Variants in MEIS2 observed in about 807,000 individuals in gnomAD.
MEIS2 encodes the protein Meis homeobox 2.
In MEIS2, 9 loss-of-function variants were observed where a neutral mutation model predicts 58.6. The ratio of observed to expected loss-of-function variants is 0.15; its 90% confidence interval spans 0.09 to 0.27. The LOEUF is 0.27. MEIS2 is among the 10% of genes least tolerant of loss of function. The probability of loss-of-function intolerance (pLI) is 1.00; values close to 1 mark genes in which losing one functional copy is unlikely to be tolerated. For synonymous variants in MEIS2, 221 were observed against 228.4 expected (o/e 0.97, Z 0.29); for missense variants, 427 against 635.0 (o/e 0.67, Z 3.52).
chr15:36,907,120 G>C (rs2056780027), intron 9 of MEIS2, among the ~76,000 whole-genome samples: 2 of 152,172 alleles, frequency 1.3e-5, no homozygotes, highest in African/African-American at 4.8e-5. Context: ...CTATATAAAA[G>C]ACTATGTATT....
At chr15:37,030,486 G>A (rs1484317169) in intron 8 of MEIS2, among the ~76,000 whole-genome samples, 3 of 151,768 alleles carry the variant, frequency 2.0e-5, no homozygotes, top group African/African-American at 4.8e-5. Flanking sequence ...ATAGATGTGT[G>A]CCCACACACC....
intron 6 of MEIS2, among the ~76,000 whole-genome samples, chr15:37,088,731 G>T (rs1893183049): frequency 6.6e-6 from 1 of 152,114 alleles, no homozygotes; most frequent in South Asian, 2.1e-4. Flanking sequence ...CACAGAAGTG[G>T]CAAGCACCCT....
intron 2 of MEIS2, 182 bp from the exon 3 acceptor site, chr15:37,096,612 G>T: frequency 1.6e-6 from 1 of 629,460 alleles, no homozygotes; most frequent in Non-Finnish European, 2.5e-6. Context: ...AAGGGAAAAG[G>T]GCCTGGCCCT....
chr15:37,009,288 C>CA (rs1042700328), intron 8 of MEIS2, among the ~76,000 whole-genome samples: 12 of 147,186 alleles, frequency 8.2e-5, no homozygotes, highest in East Asian at 3.9e-4. Context: ...GACTCCGTCT[C>CA]AAAAAAAAAT....
At chr15:36,966,010 C>T (rs977609593) in intron 8 of MEIS2, among the ~76,000 whole-genome samples, 1 of 152,198 alleles carries the variant, frequency 6.6e-6, no homozygotes, top group Admixed American at 6.5e-5. Flanking sequence ...TCTGGAGAAA[C>T]TCTATTATAT....
intron 7 of MEIS2, among the ~76,000 whole-genome samples, chr15:37,077,824 T>G (rs1177871074): frequency 6.6e-6 from 1 of 152,082 alleles, no homozygotes; most frequent in African/African-American, 2.4e-5. Flanking sequence ...CTGATCATTT[T>G]GTTTAATCAC....
chr15:37,087,852 TG>T (rs1893074480), intron 6 of MEIS2, among the ~76,000 whole-genome samples: 1 of 152,164 alleles, frequency 6.6e-6, no homozygotes, highest in South Asian at 2.1e-4. Context: ...ACATGGCACA[TG>T]GTTCTTCCAT....
intron 11 of MEIS2, 92 bp from the exon 12 acceptor site, chr15:36,892,551 AC>A (rs1445262271): frequency 5.9e-5 from 66 of 1,110,788 alleles, no homozygotes; most frequent in African/African-American, 1.1e-4. Flanking sequence ...AAAAAAAAAA[AC>A]AACAGACACT....
chr15:37,083,968 G>A, intron 6 of MEIS2, 83 bp from the exon 7 acceptor site: 21 of 1,194,352 alleles, frequency 1.8e-5, no homozygotes, highest in Admixed American at 1.8e-4. Context: ...CACAGAAAGA[G>A]ACAAAAAAAT....
chr15:37,074,128 TGA>T (rs1891061477), intron 7 of MEIS2, among the ~76,000 whole-genome samples: 1 of 151,958 alleles, frequency 6.6e-6, no homozygotes, highest in East Asian at 1.9e-4. Context: ...TCCAACTGAG[TGA>T]GTTCTAATTA....
intron 7 of MEIS2, among the ~76,000 whole-genome samples, chr15:37,070,145 C>G (rs1890503808): frequency 6.6e-6 from 1 of 152,126 alleles, no homozygotes; most frequent in African/African-American, 2.4e-5. Flanking sequence ...ATATTCAAGG[C>G]ACATTGTTTG....
chr15:36,908,727 G>A (rs1483498004), intron 9 of MEIS2, among the ~76,000 whole-genome samples: 2 of 152,080 alleles, frequency 1.3e-5, no homozygotes, highest in Non-Finnish European at 2.9e-5. Flanking sequence ...AGACCGAGGC[G>A]GGCGGATCAC....
chr15:36,943,151 C>T (rs1334951575), intron 9 of MEIS2, among the ~76,000 whole-genome samples: 1 of 152,112 alleles, frequency 6.6e-6, no homozygotes, highest in African/African-American at 2.4e-5. Context: ...TTATCTTCAA[C>T]TTTTTTCCTG....
chr15:36,986,316 T>C (rs375588941), intron 8 of MEIS2, among the ~76,000 whole-genome samples: 4 of 152,368 alleles, frequency 2.6e-5, no homozygotes, highest in African/African-American at 9.6e-5. Context: ...TGCTTTCAGA[T>C]GCTGAAACTG....
chr15:37,049,734 C>T (rs2062835175), intron 7 of MEIS2, among the ~76,000 whole-genome samples: 1 of 151,098 alleles, frequency 6.6e-6, no homozygotes, highest in Non-Finnish European at 1.5e-5. Flanking sequence ...GCAATTCATG[C>T]ACCTCGGCTC....
intron 9 of MEIS2, among the ~76,000 whole-genome samples, chr15:36,917,277 A>T (rs2057321116): frequency 6.6e-6 from 1 of 152,232 alleles, no homozygotes; most frequent in South Asian, 2.1e-4. Flanking sequence ...TATAGACCAG[A>T]ACTTTTCACT....
intron 7 of MEIS2, among the ~76,000 whole-genome samples, chr15:37,078,242 A>G (rs1247893869): frequency 6.6e-6 from 1 of 152,070 alleles, no homozygotes; most frequent in Non-Finnish European, 1.5e-5. Context: ...TTGTAGCCCA[A>G]GGAAGAGCAG....
intron 8 of MEIS2, among the ~76,000 whole-genome samples, chr15:36,985,566 T>C (rs112649501): frequency 5.3e-5 from 8 of 152,306 alleles, no homozygotes; most frequent in African/African-American, 1.9e-4. Context: ...CTTAGAAAAC[T>C]GAAATTCACA....
intron 7 of MEIS2, among the ~76,000 whole-genome samples, chr15:37,071,783 C>A (rs1890742688): frequency 6.6e-6 from 1 of 152,050 alleles, no homozygotes; most frequent in South Asian, 2.1e-4. Flanking sequence ...AGAGGCCATA[C>A]CTTTAACCAC....
Sources: gnomAD v4.1 joint callset for allele counts (sites outside exome capture counted in the v4.1 genomes callset) on GRCh38, gnomAD v4.1.1 for gene constraint, MANE v1.5 for transcripts, NCBI Gene and HGNC (gene_info 2026-07-23, HGNC 2026-07-21) for gene names.